The following ARHGAP24 variants were observed in gnomAD, a reference collection of about 807,000 sequenced individuals.
The protein encoded by ARHGAP24 is rho GTPase-activating protein 24.
In ARHGAP24, 50 loss-of-function variants were observed where a neutral mutation model predicts 76.4. The observed-to-expected ratio is 0.65, with a 90% CI of 0.52 to 0.83. The LOEUF is 0.83. Among genes scored for constraint, ARHGAP24 ranks in the 40% least tolerant of loss-of-function variants. The pLI is 0.00. For missense variants in ARHGAP24, 930 were observed against 914.2 expected, an observed-to-expected ratio of 1.02 and a Z score of -0.22; for synonymous variants, 345 against 323.3, an observed-to-expected ratio of 1.07 and a Z score of -0.72.
rs138443294 is a variant in ARHGAP24 at position 85,728,837 on chromosome 4, T to A, written c.268+6865T>A. On this transcript the variant is annotated intron_variant, in intron 3 of 9. Coordinates refer to ENST00000395184, the MANE Select transcript of ARHGAP24 (RefSeq NM_001025616.3). ...AAAAGTTTACCATACATGTCTGCAT[T>A]TGTGACTCCTTCTGGGTTGAATAAA... Among the ~76,000 whole-genome samples, 10 of 152,346 alleles carry A rather than the reference T, an allele frequency of 6.6e-5. No individual in the cohort carries two copies. In the South Asian group the frequency reaches 2.1e-3, roughly 32 times the overall value.
At chr4:85,978,281 C>T (rs1739452155) in intron 8 of ARHGAP24, among the ~76,000 whole-genome samples, 1 of 152,076 alleles carries the variant, frequency 6.6e-6, no homozygotes, top group Non-Finnish European at 1.5e-5. Context: ...TTTATGATTT[C>T]AGAATTTAAA....
chr4:85,714,930 C>T (rs1724679504), intron 2 of ARHGAP24, among the ~76,000 whole-genome samples: 1 of 152,068 alleles, frequency 6.6e-6, no homozygotes, highest in Non-Finnish European at 1.5e-5. Flanking sequence ...ATGGTAAATC[C>T]TTAAAGCAGT....
At chr4:85,871,556 A>G (rs1014730359) in intron 3 of ARHGAP24, among the ~76,000 whole-genome samples, 2 of 152,156 alleles carry the variant, frequency 1.3e-5, no homozygotes, top group Non-Finnish European at 2.9e-5. Context: ...ATGTATACCC[A>G]ATACAACTTC....
intron 3 of ARHGAP24, among the ~76,000 whole-genome samples, chr4:85,743,466 G>A (rs1054026419): frequency 2.0e-5 from 3 of 148,514 alleles, no homozygotes; most frequent in Non-Finnish European, 3.0e-5. Flanking sequence ...TGTTTGGGAG[G>A]GTGAGGCAGG....
intron 1 of ARHGAP24, among the ~76,000 whole-genome samples, chr4:85,564,989 C>T (rs375375055): frequency 1.2e-5 from 1 of 81,746 alleles, no homozygotes; most frequent in East Asian, 3.9e-4. Flanking sequence ...CACCATACAC[C>T]CACACATACA....
chr4:85,582,655 A>T (rs1727665035), intron 2 of ARHGAP24, among the ~76,000 whole-genome samples: 1 of 152,114 alleles, frequency 6.6e-6, no homozygotes, highest in South Asian at 2.1e-4. Flanking sequence ...CAATATCCAA[A>T]AAGTGTACAA....
At chr4:85,627,498 C>T (rs1721003505) in intron 2 of ARHGAP24, among the ~76,000 whole-genome samples, 1 of 152,160 alleles carries the variant, frequency 6.6e-6, no homozygotes, top group African/African-American at 2.4e-5. Flanking sequence ...TTGGTGCCTC[C>T]CAGTTAGGCT....
chr4:85,736,579 A>G (rs1429302689), intron 3 of ARHGAP24, among the ~76,000 whole-genome samples: 1 of 152,232 alleles, frequency 6.6e-6, no homozygotes, highest in East Asian at 1.9e-4. Context: ...CTTATCCTCA[A>G]GAAACTATTG....
At chr4:85,951,076 G>T (rs1348455487) in intron 5 of ARHGAP24, among the ~76,000 whole-genome samples, 2 of 151,982 alleles carry the variant, frequency 1.3e-5, no homozygotes, top group Non-Finnish European at 2.9e-5. Context: ...ATGTTAAAAA[G>T]GTCATTCTGG....
chr4:85,972,896 T>G (rs1426878176), intron 6 of ARHGAP24, among the ~76,000 whole-genome samples: 1 of 152,190 alleles, frequency 6.6e-6, no homozygotes, highest in African/African-American at 2.4e-5. Flanking sequence ...TTTACTCATG[T>G]TGTGCCACTT....
At chr4:85,886,747 C>T (rs1300373248) in intron 3 of ARHGAP24, among the ~76,000 whole-genome samples, 1 of 151,992 alleles carries the variant, frequency 6.6e-6, no homozygotes, top group Non-Finnish European at 1.5e-5. Context: ...ATCCATTTCC[C>T]CCTAAGATTT....
intron 3 of ARHGAP24, among the ~76,000 whole-genome samples, chr4:85,864,463 A>C (rs1732077588): frequency 6.6e-6 from 1 of 152,078 alleles, no homozygotes; most frequent in South Asian, 2.1e-4. Flanking sequence ...TAACCATGTA[A>C]AATTTGGTAC....
At chr4:85,992,350 A>AAT (rs1560771304) in intron 8 of ARHGAP24, among the ~76,000 whole-genome samples, 2 of 151,666 alleles carry the variant, frequency 1.3e-5, no homozygotes, top group Non-Finnish European at 2.9e-5. Context: ...CCCAAGATAC[A>AAT]AGAGAGTTTA....
chr4:85,827,271 C>T (rs932771827), intron 3 of ARHGAP24, among the ~76,000 whole-genome samples: 3 of 151,996 alleles, frequency 2.0e-5, no homozygotes, highest in Non-Finnish European at 4.4e-5. Context: ...ATGCAAAATG[C>T]AAGACTTTAT....
intron 1 of ARHGAP24, among the ~76,000 whole-genome samples, chr4:85,503,631 C>T (rs1260111795): frequency 6.6e-6 from 1 of 152,028 alleles, no homozygotes; most frequent in Admixed American, 6.6e-5. Flanking sequence ...GTGTTGCTAG[C>T]AGTCTATCAA....
chr4:85,701,878 C>A (rs908685632), intron 2 of ARHGAP24, among the ~76,000 whole-genome samples: 65 of 152,184 alleles, frequency 4.3e-4, no homozygotes, highest in African/African-American at 1.4e-3. Flanking sequence ...AATAAAAATT[C>A]TTTTTTGAAT....
At chr4:85,972,009 A>C (rs770957938) in intron 5 of ARHGAP24, 27 bp from the exon 6 acceptor site, 1 of 1,613,924 alleles carries the variant, frequency 6.2e-7, no homozygotes, top group Non-Finnish European at 8.5e-7. Context: ...TACTCCAAAG[A>C]ATATCTTCAC....
At chr4:85,798,745 CA>C (rs1042805543) in intron 3 of ARHGAP24, among the ~76,000 whole-genome samples, 11 of 152,066 alleles carry the variant, frequency 7.2e-5, no homozygotes, top group Admixed American at 5.9e-4. Flanking sequence ...ATAAAGTTGG[CA>C]AAAATGATAG....
At chr4:85,990,120 T>A (rs2148866964) in intron 8 of ARHGAP24, 1 of 151,876 alleles carries the variant, frequency 6.6e-6, no homozygotes, top group South Asian at 2.1e-4. Flanking sequence ...CACAGTCAAT[T>A]TATAAAACTT....
Sources: gnomAD v4.1 joint callset for allele counts (sites outside exome capture counted in the v4.1 genomes callset) on GRCh38, gnomAD v4.1.1 for gene constraint, MANE v1.5 for transcripts, NCBI Gene and HGNC (gene_info 2026-07-23, HGNC 2026-07-21) for gene names.